Variants in SMAD1 observed in about 807,000 individuals in gnomAD.
SMAD1 encodes the protein SMAD family member 1.
A neutral mutation model predicts 41.6 loss-of-function variants in SMAD1; 6 were observed. That is an observed-to-expected ratio of 0.14 (90% CI 0.08 to 0.28). SMAD1 has a LOEUF of 0.28. SMAD1 is among the 10% of genes least tolerant of loss of function. The pLI is 1.00. For synonymous variants in SMAD1, 206 were observed against 203.2 expected, an observed-to-expected ratio of 1.01 and a Z score of -0.12; for missense variants, 379 against 582.6, an observed-to-expected ratio of 0.65 and a Z score of 3.60.
chr4:145,519,172 T>G lies in SMAD1; in HGVS notation c.400+4159T>G, dbSNP rs1484380558. 4.8e-5 allele frequency among the ~76,000 whole-genome samples: 5 copies of G among 104,196 alleles called. 1 individual carries two copies. The highest frequency in any genetic ancestry group is 1.5e-4 in the African/African-American group (5 of 34,408). 68.4% of individuals were successfully genotyped at this position (104,196 alleles called of 152,430 possible). On this transcript the variant is annotated intron_variant, in intron 2 of 6. Coordinates refer to ENST00000302085, the MANE Select transcript of SMAD1 (RefSeq NM_005900.3). ...GTGCAGTGGCATGATCTCGGCTCAC[T>G]GCAACCTCTGCCTCCCAGGATCAAG... is the stretch of plus-strand genomic sequence containing the variant.
In SMAD1 at chr4:145,550,279, A is replaced by G. The variant is rs527309639; in HGVS notation, c.997+3355A>G. Reference sequence around the variant, plus strand: ...AGTAATTCCAGTGCTTTGGGAGGCTAAGGCAGGTGGATCAGTTGAGGTCAG... The same window carrying G: ...AGTAATTCCAGTGCTTTGGGAGGCTGAGGCAGGTGGATCAGTTGAGGTCAG... On this transcript the variant is annotated intron_variant, in intron 5 of 6. Coordinates refer to ENST00000302085, the MANE Select transcript of SMAD1 (RefSeq NM_005900.3). Among the ~76,000 whole-genome samples, 6 of 152,280 alleles carry G rather than the reference A, an allele frequency of 3.9e-5. No homozygotes were observed. In the East Asian group the frequency reaches 7.7e-4, roughly 20 times the overall value.
intron 5 of SMAD1, among the ~76,000 whole-genome samples, chr4:145,547,549 G>A (rs1365907980): frequency 6.6e-6 from 1 of 152,204 alleles, no homozygotes; most frequent in African/African-American, 2.4e-5. Flanking sequence ...GGAGTAGATA[G>A]AGTAGGGGTA....
chr4:145,502,617 A>C (rs1369002478), intron 1 of SMAD1, among the ~76,000 whole-genome samples: 1 of 152,246 alleles, frequency 6.6e-6, no homozygotes, highest in Non-Finnish European at 1.5e-5. Flanking sequence ...CTTTTTAAAG[A>C]ATTTTCTGAT....
chr4:145,498,802 T>G (rs1729248911), intron 1 of SMAD1, among the ~76,000 whole-genome samples: 1 of 152,266 alleles, frequency 6.6e-6, no homozygotes, highest in Non-Finnish European at 1.5e-5. Context: ...CTGTTTTTTC[T>G]TATTTTATTA....
At chr4:145,481,625 G>C (rs909388160), upstream of SMAD1, 2 of 152,422 alleles carry the variant, frequency 1.3e-5, no homozygotes, top group Non-Finnish European at 2.9e-5. Context: ...CCGGTAGAAG[G>C]GGGTGGCTCC....
intron 1 of SMAD1, among the ~76,000 whole-genome samples, chr4:145,494,817 A>C (rs1328676693): frequency 6.6e-6 from 1 of 152,202 alleles, no homozygotes; most frequent in Non-Finnish European, 1.5e-5. Flanking sequence ...AGCACCCAGC[A>C]CTGTGTGATG....
chr4:145,546,970 C>A, intron 5 of SMAD1, 46 bp downstream of exon 5: 1 of 1,427,974 alleles, frequency 7.0e-7, no homozygotes, highest in Non-Finnish European at 9.9e-7. Context: ...CTGTTGTGTC[C>A]CTGTTCCTCC....
At chr4:145,492,532 ACCTCT>A (rs1728825425) in intron 1 of SMAD1, among the ~76,000 whole-genome samples, 1 of 152,162 alleles carries the variant, frequency 6.6e-6, no homozygotes, top group Admixed American at 6.5e-5. Context: ...CGCTTCAGGA[ACCTCT>A]GCATGTTCAG....
intron 2 of SMAD1, among the ~76,000 whole-genome samples, chr4:145,520,859 TA>T (rs1337650650): frequency 1.4e-4 from 22 of 152,138 alleles, no homozygotes; most frequent in Non-Finnish European, 1.3e-4. Flanking sequence ...TAAAACAGTG[TA>T]AAAAAATGGT....
intron 1 of SMAD1, among the ~76,000 whole-genome samples, chr4:145,492,704 C>T (rs191081804): frequency 6.6e-6 from 1 of 152,336 alleles, no homozygotes; most frequent in Admixed American, 6.5e-5. Flanking sequence ...AAGTCTCAAT[C>T]CTCTAATCTT....
intron 5 of SMAD1, 104 bp downstream of exon 5, chr4:145,547,028 C>T (rs1732285400): frequency 1.1e-6 from 1 of 900,610 alleles, no homozygotes; most frequent in East Asian, 2.5e-5. Context: ...TAGCAAAGAC[C>T]AGGTAATGTT....
intron 1 of SMAD1, among the ~76,000 whole-genome samples, chr4:145,496,910 T>G (rs1452370565): frequency 6.6e-6 from 1 of 152,188 alleles, no homozygotes. Flanking sequence ...TAAAAGTCTG[T>G]TTTTTTGCCT....
At chr4:145,535,036 T>C (rs1731535508) in intron 2 of SMAD1, among the ~76,000 whole-genome samples, 1 of 151,546 alleles carries the variant, frequency 6.6e-6, no homozygotes, top group South Asian at 2.1e-4. Context: ...ATACCAAAAA[T>C]AGGCAAAAGG....
chr4:145,557,655 T>C (rs1732916623), intron 6 of SMAD1, 136 bp from the exon 7 acceptor site: 1 of 585,610 alleles, frequency 1.7e-6, no homozygotes, highest in African/African-American at 1.9e-5. Flanking sequence ...TGTTTTTTTC[T>C]CCCCAGGGGC....
chr4:145,489,667 CTT>C (rs1728671716), intron 1 of SMAD1, among the ~76,000 whole-genome samples: 1 of 152,136 alleles, frequency 6.6e-6, no homozygotes, highest in Admixed American at 6.5e-5. Context: ...ATAAATTAGA[CTT>C]GATGTGTTAA....
chr4:145,538,110 G>A (rs886601092), intron 2 of SMAD1, among the ~76,000 whole-genome samples: 3 of 152,152 alleles, frequency 2.0e-5, no homozygotes, highest in African/African-American at 7.2e-5. Context: ...CTAGATGCCT[G>A]TAAAAGGCAA....
chr4:145,513,145 AGACCTTTTGC>A (rs1485372998), intron 1 of SMAD1: 1 of 152,236 alleles, frequency 6.6e-6, no homozygotes, highest in Non-Finnish European at 1.5e-5. Context: ...CTCGGCTCCT[AGACCTTTTGC>A]TGCTCATAGC....
chr4:145,494,258 C>T (rs1578740286), intron 1 of SMAD1, among the ~76,000 whole-genome samples: 1 of 152,218 alleles, frequency 6.6e-6, no homozygotes, highest in African/African-American at 2.4e-5. Flanking sequence ...CCGCGCCCGG[C>T]CCCAGTTCAT....
intron 1 of SMAD1, among the ~76,000 whole-genome samples, chr4:145,502,458 T>C (rs1729501803): frequency 6.6e-6 from 1 of 152,224 alleles, no homozygotes; most frequent in Non-Finnish European, 1.5e-5. Flanking sequence ...ACTATTCAAG[T>C]AATCATCTAA....
Sources: gnomAD v4.1 joint callset for allele counts (sites outside exome capture counted in the v4.1 genomes callset) on GRCh38, gnomAD v4.1.1 for gene constraint, MANE v1.5 for transcripts, NCBI Gene and HGNC (gene_info 2026-07-23, HGNC 2026-07-21) for gene names.